MLLT10: variants seen among roughly 807,000 people sequenced by gnomAD.
The protein encoded by MLLT10 is protein AF-10.
A neutral mutation model predicts 129.1 loss-of-function variants in MLLT10; 30 were observed. The ratio of observed to expected loss-of-function variants is 0.23; its 90% confidence interval spans 0.17 to 0.32. The LOEUF (loss-of-function observed/expected upper bound fraction) is 0.32, where lower values mean the gene tolerates loss of function less well. Ranked by LOEUF, MLLT10 falls within the 10% of genes least tolerant of loss-of-function variation. MLLT10 has a pLI of 1.00. For missense variants in MLLT10, 1,119 were observed against 1,268.3 expected (o/e 0.88, Z 1.79); for synonymous variants, 490 against 446.4 (o/e 1.10, Z -1.23).
At chr10:21,643,034 T>G (rs1011431691) in intron 8 of MLLT10, among the ~76,000 whole-genome samples, 1 of 152,090 alleles carries the variant, frequency 6.6e-6, no homozygotes, top group Non-Finnish European at 1.5e-5. Flanking sequence ...TTTTATGTAT[T>G]TATTTTTTAT....
chr10:21,728,357 C>T lies in MLLT10; in HGVS notation c.2063+429C>T, dbSNP rs566405655. On this transcript the variant is annotated intron_variant, in intron 16 of 22. Coordinates refer to ENST00000307729, the MANE Select transcript of MLLT10 (RefSeq NM_001195626.3). ...CGTGTGGTAGATCACTAAACTCCTA[C>T]TAGTTCTTAAATTGTTTGAATCAGT... Among the ~76,000 whole-genome samples, 154 of 152,314 alleles carry T rather than the reference C, an allele frequency of 1.0e-3. 4 individuals carry two copies. In the South Asian group the frequency reaches 0.029, roughly 29 times the overall value.
chr10:21,534,867 C>A (rs891702556), intron 2 of MLLT10, 63 bp downstream of exon 2: 45 of 1,169,388 alleles, frequency 3.8e-5, no homozygotes, highest in Admixed American at 9.4e-5. Flanking sequence ...GCCGCCCCCA[C>A]CTGGGCCGCA....
intron 8 of MLLT10, among the ~76,000 whole-genome samples, chr10:21,629,786 A>G (rs1199614753): frequency 1.3e-5 from 2 of 152,178 alleles, no homozygotes; most frequent in East Asian, 3.8e-4. Context: ...GAGGAAGTAC[A>G]GGTAGTGAGA....
chr10:21,642,674 A>G (rs536925474), intron 8 of MLLT10, among the ~76,000 whole-genome samples: 30 of 150,092 alleles, frequency 2.0e-4, no homozygotes, highest in African/African-American at 7.3e-4. Context: ...AAAAAAAAAG[A>G]AAAGAAAAAT....
At chr10:21,672,406 T>G (rs2131377287) in intron 10 of MLLT10, among the ~76,000 whole-genome samples, 1 of 152,168 alleles carries the variant, frequency 6.6e-6, no homozygotes, top group South Asian at 2.1e-4. Context: ...TTTTAAATTT[T>G]TTGTAGAGAC....
At chr10:21,586,614 G>T (rs1254720470) in intron 4 of MLLT10, among the ~76,000 whole-genome samples, 1 of 152,072 alleles carries the variant, frequency 6.6e-6, no homozygotes, top group Non-Finnish European at 1.5e-5. Context: ...TTGGCTGGGC[G>T]AGGTGGCTCA....
At chr10:21,740,669 A>G (rs571766697) in intron 22 of MLLT10, among the ~76,000 whole-genome samples, 6 of 152,358 alleles carry the variant, frequency 3.9e-5, no homozygotes, top group East Asian at 1.9e-4. Context: ...CAATAATTCT[A>G]CCAGATTAGA....
At chr10:21,612,865 A>G (rs750948353) in intron 6 of MLLT10, among the ~76,000 whole-genome samples, 4 of 152,174 alleles carry the variant, frequency 2.6e-5, no homozygotes, top group African/African-American at 4.8e-5. Flanking sequence ...GTCATTCTCA[A>G]TATTACAATG....
intron 13 of MLLT10, among the ~76,000 whole-genome samples, chr10:21,710,932 T>C (rs1269410782): frequency 2.0e-5 from 3 of 152,230 alleles, no homozygotes; most frequent in Non-Finnish European, 4.4e-5. Flanking sequence ...TATCACTACA[T>C]GTACTTACTT....
chr10:21,621,251 T>A (rs758470631), intron 8 of MLLT10, among the ~76,000 whole-genome samples: 54 of 126,782 alleles, frequency 4.3e-4, no homozygotes, highest in Middle Eastern at 8.6e-3. Context: ...CCCGCTCCCC[T>A]TTTTTTTTTT....
intron 13 of MLLT10, among the ~76,000 whole-genome samples, chr10:21,689,968 CAGT>C (rs1329214912): frequency 6.6e-6 from 1 of 151,808 alleles, no homozygotes; most frequent in Non-Finnish European, 1.5e-5. Context: ...CTGGTAATGA[CAGT>C]AGCTGGAAAG....
intron 3 of MLLT10, among the ~76,000 whole-genome samples, chr10:21,577,626 C>T (rs961571126): frequency 6.6e-6 from 1 of 152,162 alleles, no homozygotes; most frequent in African/African-American, 2.4e-5. Flanking sequence ...CACCCACCAT[C>T]ATGCCGGGCT....
At chr10:21,675,465 C>G (rs1445674169) in intron 11 of MLLT10, among the ~76,000 whole-genome samples, 1 of 152,148 alleles carries the variant, frequency 6.6e-6, no homozygotes, top group Admixed American at 6.5e-5. Context: ...AAAACTACCT[C>G]TGGTTGAGGC....
chr10:21,606,689 C>T (rs1387795891), intron 5 of MLLT10, among the ~76,000 whole-genome samples: 2 of 152,168 alleles, frequency 1.3e-5, no homozygotes, highest in African/African-American at 4.8e-5. Context: ...GCTGCAATCT[C>T]ATGGTCAAAC....
At position 21,743,463 on chromosome 10, in the gene MLLT10, A is replaced by G. The variant is rs111965406; in HGVS notation, c.*1480A>G. Reference sequence around the variant, plus strand: ...AGTCAAATCTTTTGTAGATAATTTAAAAAATCAGTGTGGTTTATTTTACTT... The same window carrying G: ...AGTCAAATCTTTTGTAGATAATTTAGAAAATCAGTGTGGTTTATTTTACTT... On this transcript the variant is annotated 3_prime_UTR_variant, in exon 23 of 23. Coordinates refer to ENST00000307729, the MANE Select transcript of MLLT10 (RefSeq NM_001195626.3). 251 of 191,738 alleles carry G rather than the reference A, an allele frequency of 1.3e-3. 1 individual carries two copies. The highest frequency in any genetic ancestry group is 5.4e-3 in the African/African-American group (233 of 43,182). The allele number at this position is 191,738 out of a possible 1,614,324, so 11.9% of individuals were successfully genotyped here.
In MLLT10 at chr10:21,538,819, T is replaced by C. The variant is rs1473576332; in HGVS notation, c.161-14T>C. 3 of 1,596,302 alleles carry C rather than the reference T, an allele frequency of 1.9e-6. No homozygotes were observed. The highest frequency in any genetic ancestry group is 4.5e-5 in the East Asian group (2 of 44,814). On this transcript the variant is annotated splice_polypyrimidine_tract_variant and intron_variant, in intron 2 of 22. Coordinates refer to ENST00000307729, the MANE Select transcript of MLLT10 (RefSeq NM_001195626.3). ...TCGAATCTTAACATTTTAACACATT[T>C]CATTTTTCAACAGCTTGCTATGGCA...
intron 4 of MLLT10, among the ~76,000 whole-genome samples, chr10:21,593,822 G>C (rs1455102965): frequency 1.3e-5 from 2 of 150,772 alleles, no homozygotes; most frequent in African/African-American, 4.9e-5. Context: ...AGCTACTTGG[G>C]AGGCTGAGGC....
chr10:21,587,187 C>T (rs1589100992), intron 4 of MLLT10, among the ~76,000 whole-genome samples: 2 of 151,804 alleles, frequency 1.3e-5, no homozygotes, highest in East Asian at 3.9e-4. Flanking sequence ...CTCACTGGAG[C>T]ATAGGAGTCT....
At chr10:21,544,233 A>C (rs748599653) in intron 3 of MLLT10, among the ~76,000 whole-genome samples, 1 of 152,246 alleles carries the variant, frequency 6.6e-6, no homozygotes, top group South Asian at 2.1e-4. Context: ...TCCTATGGTG[A>C]AAGATGACGA....
Sources: allele counts gnomAD v4.1 joint callset (sites outside exome capture counted in the v4.1 genomes callset), GRCh38; gene constraint gnomAD v4.1.1; transcripts MANE v1.5; gene names NCBI Gene and HGNC (gene_info 2026-07-23, HGNC 2026-07-21).